GLI2: variants seen among roughly 807,000 people sequenced by gnomAD.
GLI2 encodes transcription activator GLI2.
A neutral mutation model predicts 78.9 loss-of-function variants in GLI2; 22 were observed. The ratio of observed to expected loss-of-function variants is 0.28; its 90% CI spans 0.20 to 0.40. GLI2 has a LOEUF of 0.40. GLI2 is among the 10% of genes least tolerant of loss of function. The probability of loss-of-function intolerance (pLI) is 1.00; values close to 1 mark genes in which losing one functional copy is unlikely to be tolerated. For missense variants in GLI2, 2,097 were observed against 2,213.2 expected (o/e 0.95, Z 1.05); for synonymous variants, 974 against 963.7 (o/e 1.01, Z -0.20).
chr2:120,926,753 C>T (rs1679696175), intron 2 of GLI2, among the ~76,000 whole-genome samples: 2 of 152,224 alleles, frequency 1.3e-5, no homozygotes, highest in African/African-American at 4.8e-5. Context: ...ATCCTGGGGG[C>T]ACCCGACAGC....
At chr2:120,802,393 A>C (rs867471650) in intron 2 of GLI2, among the ~76,000 whole-genome samples, 1 of 152,198 alleles carries the variant, frequency 6.6e-6, no homozygotes, top group South Asian at 2.1e-4. Flanking sequence ...GAAGCCTGGG[A>C]GGGCGAGTTC....
intron 2 of GLI2, among the ~76,000 whole-genome samples, chr2:120,919,405 C>A (rs1309154256): frequency 6.6e-6 from 1 of 152,240 alleles, no homozygotes; most frequent in Non-Finnish European, 1.5e-5. Context: ...GAGTGCCCGA[C>A]CCGACGCAGA....
intron 2 of GLI2, among the ~76,000 whole-genome samples, chr2:120,857,484 GCCACCCACCTACCCATCTGCCCGC>G (rs1558837347): frequency 5.3e-5 from 1 of 18,882 alleles, no homozygotes; most frequent in African/African-American, 2.3e-4. Context: ...TTCCCACCCA[GCCACCCACCTACCCATCTGCCCGC>G]CCACCCACCG....
intron 2 of GLI2, among the ~76,000 whole-genome samples, chr2:120,849,073 G>T (rs934630144): frequency 6.6e-6 from 1 of 152,202 alleles, no homozygotes; most frequent in Non-Finnish European, 1.5e-5. Context: ...AGTGAAACAA[G>T]CCAGACACTA....
chr2:120,986,270 C>A lies in GLI2; in HGVS notation c.1906-8C>A. The stretch of plus-strand genomic sequence containing the variant: ...TGAGTCTGAGCCTTCTTGCCTCGTC[C>A]CCTGCAGCTGTGTCAGTCCAGCCCC... On this transcript the variant is annotated splice_polypyrimidine_tract_variant and splice_region_variant and intron_variant, in intron 12 of 13. Coordinates refer to ENST00000361492, the MANE Select transcript of GLI2 (RefSeq NM_001374353.1). 6.2e-7 allele frequency: 1 copy of A among 1,612,134 alleles called. No individual in the cohort carries two copies. Among genetic ancestry groups the A allele is most frequent in the South Asian group, 1.1e-5 (1 of 91,044 alleles).
chr2:120,760,151 C>G (rs1295654832), intron 1 of GLI2, among the ~76,000 whole-genome samples: 1 of 152,126 alleles, frequency 6.6e-6, no homozygotes, highest in African/African-American at 2.4e-5. Context: ...TCTGTTGCTC[C>G]AGGGGAGGCC....
At chr2:120,817,126 T>C (rs997176986) in intron 2 of GLI2, among the ~76,000 whole-genome samples, 1 of 152,230 alleles carries the variant, frequency 6.6e-6, no homozygotes, top group Non-Finnish European at 1.5e-5. Flanking sequence ...TTAGGATTAT[T>C]ATGAAAATGT....
intron 8 of GLI2, among the ~76,000 whole-genome samples, chr2:120,972,963 T>C (rs976946789): frequency 4.6e-5 from 7 of 152,134 alleles, no homozygotes; most frequent in African/African-American, 1.7e-4. Context: ...AGTAAGCCCC[T>C]GGTCCCCCAA....
At chr2:120,757,778 C>A (rs1573348029) in intron 1 of GLI2, among the ~76,000 whole-genome samples, 1 of 152,224 alleles carries the variant, frequency 6.6e-6, no homozygotes, top group East Asian at 1.9e-4. Flanking sequence ...GGTTACCCCT[C>A]CCTGTGCCGT....
rs747836252 is a variant in GLI2, at chr2:120,975,089, A to G, written c.1297A>G (p.Thr433Ala). The change falls in exon 9 of 14, where the codon ACC becomes GCC. Residue 433 changes from threonine (T) to alanine (A), a missense_variant. Thr to Ala is a moderately conservative substitution (Grantham distance 58, BLOSUM62 0). This residue lies in a region of GLI2 where 578 missense variants were observed against 612.0 expected (regional missense o/e 0.94). Transcript: ENST00000361492. ...HWEDCTKEYD[T>A]QEQLVHHINN... ...GGAAGACTGCACCAAGGAGTACGACACCCAGGAGCAGCTGGTGCATGTAAG... is the reference window on the plus strand; with the variant it reads ...GGAAGACTGCACCAAGGAGTACGACGCCCAGGAGCAGCTGGTGCATGTAAG... 3 of 1,613,898 alleles carry G rather than the reference A, an allele frequency of 1.9e-6. No homozygotes were observed. In the South Asian group the frequency reaches 3.3e-5, roughly 18 times the overall value.
chr2:120,824,850 T>C (rs1573436936), intron 2 of GLI2, among the ~76,000 whole-genome samples: 1 of 152,162 alleles, frequency 6.6e-6, no homozygotes, highest in Non-Finnish European at 1.5e-5. Context: ...TGTTGTTTTG[T>C]CTTGAGACAG....
At chr2:120,844,154 T>C (rs986320695) in intron 2 of GLI2, among the ~76,000 whole-genome samples, 1 of 152,212 alleles carries the variant, frequency 6.6e-6, no homozygotes, top group African/African-American at 2.4e-5. Flanking sequence ...CACACGTGTC[T>C]GTTAAGGGCC....
At chr2:120,941,300 AT>A (rs1351001614) in intron 3 of GLI2, among the ~76,000 whole-genome samples, 2 of 152,216 alleles carry the variant, frequency 1.3e-5, no homozygotes, top group African/African-American at 4.8e-5. Context: ...AAAGGACTTG[AT>A]TTCTAGAACT....
chr2:120,887,034 C>G (rs553106429), intron 2 of GLI2, among the ~76,000 whole-genome samples: 2 of 152,214 alleles, frequency 1.3e-5, no homozygotes, highest in Non-Finnish European at 2.9e-5. Flanking sequence ...AACACACTCA[C>G]GTTTTTCCTC....
intron 10 of GLI2, among the ~76,000 whole-genome samples, chr2:120,981,332 G>C (rs1259685134): frequency 3.3e-5 from 5 of 152,198 alleles, no homozygotes; most frequent in African/African-American, 1.2e-4. Context: ...GACCTTAAGT[G>C]TCTGGGTTTC....
intron 2 of GLI2, among the ~76,000 whole-genome samples, chr2:120,858,776 T>C (rs1459678753): frequency 6.6e-6 from 1 of 152,194 alleles, no homozygotes; most frequent in Non-Finnish European, 1.5e-5. Flanking sequence ...CCTGCAGTGC[T>C]GGGGGGCACA....
chr2:120,748,824 T>C (rs1219297437), intron 1 of GLI2, among the ~76,000 whole-genome samples: 1 of 152,088 alleles, frequency 6.6e-6, no homozygotes, highest in East Asian at 1.9e-4. Flanking sequence ...GATTATAGGT[T>C]GAGATTAAGA....
intron 2 of GLI2, among the ~76,000 whole-genome samples, chr2:120,851,325 C>T (rs113759553): frequency 6.6e-6 from 1 of 152,174 alleles, no homozygotes; most frequent in Non-Finnish European, 1.5e-5. Flanking sequence ...CTGGAGTGAC[C>T]TCTCAAGTGA....
At chr2:120,928,422 G>A (rs2104873871) in intron 3 of GLI2, among the ~76,000 whole-genome samples, 1 of 152,288 alleles carries the variant, frequency 6.6e-6, no homozygotes, top group South Asian at 2.1e-4. Flanking sequence ...ACACTGAGCG[G>A]GGGCTGCTGC....
Sources: gnomAD v4.1 joint callset for allele counts (sites outside exome capture counted in the v4.1 genomes callset) on GRCh38, gnomAD v4.1.1 for gene constraint, gnomAD v4.1.1 regional missense constraint, MANE v1.5 for transcripts, NCBI Gene and HGNC (gene_info 2026-07-23, HGNC 2026-07-21) for gene names.